The following CYFIP1 variants were observed in gnomAD, a reference collection of about 807,000 sequenced individuals.
CYFIP1 encodes cytoplasmic FMR1-interacting protein 1.
Under a neutral mutation model 163.5 loss-of-function variants are expected in CYFIP1, and 58 were observed. The ratio of observed to expected loss-of-function variants is 0.35; its 90% CI spans 0.29 to 0.44. The LOEUF is 0.44. Among genes scored for constraint, CYFIP1 ranks in the 20% least tolerant of loss-of-function variants. CYFIP1 has a pLI of 1.00. For missense variants in CYFIP1, 1,338 were observed against 1,653.8 expected (o/e 0.81, Z 3.31); for synonymous variants, 663 against 660.7 (o/e 1.00, Z -0.05).
intron 21 of CYFIP1, among the ~76,000 whole-genome samples, chr15:22,906,885 T>TAA (rs1294264722): frequency 2.0e-5 from 3 of 152,136 alleles, no homozygotes; most frequent in Non-Finnish European, 2.9e-5. Context: ...GCTGTGCACT[T>TAA]ACATTTTCTT....
intron 10 of CYFIP1, 68 bp downstream of exon 10, chr15:22,933,734 A>T (rs2061612009): frequency 5.4e-6 from 6 of 1,115,460 alleles, no homozygotes; most frequent in Non-Finnish European, 8.1e-6. Context: ...AATAAGCAGG[A>T]TGTTTGAAAA....
intron 13 of CYFIP1, among the ~76,000 whole-genome samples, chr15:22,920,547 G>A (rs1183410981): frequency 7.9e-5 from 12 of 152,014 alleles, no homozygotes; most frequent in Admixed American, 7.2e-4. Context: ...TGATTTTGGT[G>A]CTTTTCTTTT....
chr15:22,971,922 C>T (rs942620531), intron 1 of CYFIP1, among the ~76,000 whole-genome samples: 2 of 152,106 alleles, frequency 1.3e-5, no homozygotes, highest in Non-Finnish European at 2.9e-5. Flanking sequence ...AAATTCAATG[C>T]AATCTACAGG....
At chr15:22,885,341 C>A (rs1566928285) in intron 23 of CYFIP1, among the ~76,000 whole-genome samples, 1 of 152,156 alleles carries the variant, frequency 6.6e-6, no homozygotes. Context: ...GTAAAAGTGA[C>A]CTTTGCTCCA....
rs1390423785 is a variant in CYFIP1, at chr15:22,937,107, G to T, written c.897C>A (p.Phe299Leu). 8 of 1,592,046 alleles carry T rather than the reference G, an allele frequency of 5.0e-6. No individual in the cohort carries two copies. The highest frequency in any genetic ancestry group is 6.9e-6 in the Non-Finnish European group (8 of 1,159,968). Residue 299 changes from phenylalanine (F) to leucine (L), a missense_variant, in exon 9 of 31, where the codon TTC becomes TTA. Physicochemically the swap from Phe to Leu is conservative, Grantham distance 22 (BLOSUM62 0). This residue lies in a region of CYFIP1 where 824 missense variants were observed against 995.7 expected (regional missense o/e 0.83). Transcript: ENST00000617928. ...RINLSKIDKY[F>L]KQLQVVPLFG... ...GATCTAAAAACATGTAACTCACCTT[G>T]AAGTACTTGTCGATTTTGGATAAGT...
Position 22,870,052 on chromosome 15 carries a change from G to A in CYFIP1, c.3738C>T (p.Ile1246=). The change falls in exon 31 of 31, where the codon ATC becomes ATT. Residue 1246 remains isoleucine, a synonymous_variant. Coordinates refer to ENST00000617928, the MANE Select transcript of CYFIP1 (RefSeq NM_014608.6). ...VEHVRCFQPP[I]HQSLASS is the part of the protein sequence containing the mutation. ...CTCAGCTGCTGGCGAGGGACTGGTG[G>A]ATGGGCGGCTGGAAGCAGCGCACAT... 1 of 1,608,002 alleles carries A rather than the reference G, an allele frequency of 6.2e-7. No individual in the cohort carries two copies. Among genetic ancestry groups the A allele is most frequent in the Non-Finnish European group, 8.5e-7 (1 of 1,178,142 alleles).
intron 6 of CYFIP1, among the ~76,000 whole-genome samples, chr15:22,941,119 A>C (rs1369200260): frequency 6.6e-6 from 1 of 152,210 alleles, no homozygotes; most frequent in Non-Finnish European, 1.5e-5. Context: ...ACAGTGGTAC[A>C]ATCACAGCTC....
intron 22 of CYFIP1, among the ~76,000 whole-genome samples, chr15:22,893,269 G>C (rs2060130336): frequency 6.6e-6 from 1 of 152,208 alleles, no homozygotes; most frequent in South Asian, 2.1e-4. Flanking sequence ...CGTGGGCTCT[G>C]CTGCGCTTCC....
intron 30 of CYFIP1, 147 bp from the exon 31 acceptor site, chr15:22,870,339 G>GT: frequency 6.2e-6 from 4 of 645,850 alleles, no homozygotes; most frequent in Non-Finnish European, 9.8e-6. Context: ...GTTTTTTTTT[G>GT]TAAGATAGGG....
At chr15:22,901,106 G>A (rs1595551336) in intron 22 of CYFIP1, among the ~76,000 whole-genome samples, 1 of 151,786 alleles carries the variant, frequency 6.6e-6, no homozygotes, top group Non-Finnish European at 1.5e-5. Flanking sequence ...CGGAGGCTGA[G>A]GCAGGAGAAT....
intron 12 of CYFIP1, among the ~76,000 whole-genome samples, chr15:22,926,720 T>C (rs1173624009): frequency 1.3e-5 from 2 of 152,194 alleles, no homozygotes; most frequent in East Asian, 3.8e-4. Context: ...AGAGAAAATG[T>C]TATCTTAAAA....
intron 30 of CYFIP1, among the ~76,000 whole-genome samples, chr15:22,870,912 T>A (rs929832586): frequency 6.6e-6 from 1 of 152,158 alleles, no homozygotes; most frequent in African/African-American, 2.4e-5. Context: ...AGAACACGAA[T>A]TAAGAACATA....
intron 9 of CYFIP1, among the ~76,000 whole-genome samples, chr15:22,936,075 C>T (rs1788418398): frequency 6.6e-6 from 1 of 152,026 alleles, no homozygotes; most frequent in African/African-American, 2.4e-5. Context: ...AGTTCGAGAC[C>T]AGCCTGGGCA....
At chr15:22,953,822 G>A (rs1249782328) in intron 1 of CYFIP1, among the ~76,000 whole-genome samples, 3 of 152,170 alleles carry the variant, frequency 2.0e-5, no homozygotes, top group African/African-American at 7.2e-5. Context: ...TTGGGAGGCC[G>A]AGGCGGGTGG....
chr15:22,873,400 T>C (rs2059491090), intron 29 of CYFIP1, 91 bp downstream of exon 29: 5 of 1,079,928 alleles, frequency 4.6e-6, no homozygotes, highest in Non-Finnish European at 6.8e-6. Flanking sequence ...TTCCTGAGCA[T>C]GGCTGGCTGC....
intron 12 of CYFIP1, among the ~76,000 whole-genome samples, chr15:22,926,953 TATTAA>T (rs1461411351): frequency 6.6e-6 from 1 of 152,222 alleles, no homozygotes; most frequent in Non-Finnish European, 1.5e-5. Context: ...TGTATGACTG[TATTAA>T]ATTATCACAT....
At chr15:22,916,990 C>T (rs2061008426) in intron 15 of CYFIP1, 2 of 1,551,380 alleles carry the variant, frequency 1.3e-6, no homozygotes, top group East Asian at 2.4e-5. Context: ...AGCAGCTCGG[C>T]AGAGCCCAAG....
chr15:22,921,745 A>G (rs1245694187), intron 13 of CYFIP1, among the ~76,000 whole-genome samples: 2 of 148,144 alleles, frequency 1.4e-5, no homozygotes, highest in South Asian at 4.4e-4. Context: ...TAGCCTGGGC[A>G]ACACGCGAGA....
chr15:22,930,393 A>G lies in CYFIP1; in HGVS notation c.1110+1830T>C, dbSNP rs368296307. Among the ~76,000 whole-genome samples, 70 of 102,954 alleles carry G rather than the reference A, an allele frequency of 6.8e-4. 1 individual carries two copies. The highest frequency in any genetic ancestry group is 1.0e-3 in the African/African-American group (26 of 25,086). 67.5% of individuals were successfully genotyped at this position (102,954 alleles called of 152,430 possible). On this transcript the variant is annotated intron_variant, in intron 11 of 30. Coordinates refer to ENST00000617928, the MANE Select transcript of CYFIP1 (RefSeq NM_014608.6). ...ACAGCAAGACTCCGTCTCACCCAAAAAAAAAAAAAAAAAAAAAAACTGTAC... is the reference window on the plus strand; with the variant it reads ...ACAGCAAGACTCCGTCTCACCCAAAGAAAAAAAAAAAAAAAAAAACTGTAC...
Sources: allele counts gnomAD v4.1 joint callset (sites outside exome capture counted in the v4.1 genomes callset), GRCh38; gene constraint gnomAD v4.1.1; regional missense constraint gnomAD v4.1.1; transcripts MANE v1.5; gene names NCBI Gene and HGNC (gene_info 2026-07-23, HGNC 2026-07-21).